The following RUNX2 variants were observed in gnomAD, a reference collection of about 807,000 sequenced individuals.
The protein encoded by RUNX2 is RUNX family transcription factor 2, also known as runt-related transcription factor 2.
In RUNX2, 10 loss-of-function variants were observed where a neutral mutation model predicts 51.7. The ratio of observed to expected loss-of-function variants is 0.19; its 90% confidence interval spans 0.12 to 0.33. The LOEUF (loss-of-function observed/expected upper bound fraction) is 0.33. RUNX2 is among the 10% of genes least tolerant of loss of function. The probability of loss-of-function intolerance (pLI) is 1.00; values close to 1 mark genes in which losing one functional copy is unlikely to be tolerated. For missense variants in RUNX2, 562 were observed against 691.3 expected, an observed-to-expected ratio of 0.81 and a Z score of 2.10; for synonymous variants, 276 against 273.6, an observed-to-expected ratio of 1.01 and a Z score of -0.09.
chr6:45,532,353 G>C (rs1223706543), intron 7 of RUNX2, among the ~76,000 whole-genome samples: 3 of 151,798 alleles, frequency 2.0e-5, no homozygotes, highest in African/African-American at 7.3e-5. Context: ...TTTTAGAGCA[G>C]GGAAACCCAC....
chr6:45,508,664 T>G (rs1563116713), intron 6 of RUNX2, among the ~76,000 whole-genome samples: 1 of 152,226 alleles, frequency 6.6e-6, no homozygotes, highest in Non-Finnish European at 1.5e-5. Context: ...TCTGACTTGT[T>G]TAGGGATCTT....
chr6:45,389,864 G>A (rs768073943), intron 2 of RUNX2, among the ~76,000 whole-genome samples: 1 of 151,912 alleles, frequency 6.6e-6, no homozygotes, highest in Non-Finnish European at 1.5e-5. Context: ...ACAAAAATTA[G>A]GTATGGTGGT....
intron 5 of RUNX2, among the ~76,000 whole-genome samples, chr6:45,461,707 G>A (rs1799480117): frequency 6.6e-6 from 1 of 152,014 alleles, no homozygotes. Flanking sequence ...TTAAGGGCAG[G>A]AAATGTGTGG....
At chr6:45,540,979 A>AAG (rs1393149265) in intron 7 of RUNX2, among the ~76,000 whole-genome samples, 1 of 152,240 alleles carries the variant, frequency 6.6e-6, no homozygotes, top group Non-Finnish European at 1.5e-5. Context: ...ATGCTCTTTA[A>AAG]AGAGAGTTGT....
chr6:45,370,171 T>C (rs1563041350), intron 2 of RUNX2, among the ~76,000 whole-genome samples: 1 of 152,188 alleles, frequency 6.6e-6, no homozygotes, highest in Non-Finnish European at 1.5e-5. Flanking sequence ...GTTATTGAGG[T>C]TGTGCAGACA....
Position 45,547,322 on chromosome 6 carries a change from C to T in RUNX2, c.*17C>T. 6.3e-7 allele frequency: 1 copy of T among 1,592,328 alleles called. No individual in the cohort carries two copies. Among genetic ancestry groups the T allele is most frequent in the Non-Finnish European group, 8.6e-7 (1 of 1,160,672 alleles). ...CCATATTGAAATTCCTCAGCAGTGG[C>T]CCAGTGGTATCTGGGGGCCACATCC... On this transcript the variant is annotated 3_prime_UTR_variant, in exon 9 of 9. Coordinates refer to ENST00000647337, the MANE Select transcript of RUNX2 (RefSeq NM_001024630.4).
At chr6:45,475,463 A>G (rs1377207349) in intron 5 of RUNX2, among the ~76,000 whole-genome samples, 1 of 152,198 alleles carries the variant, frequency 6.6e-6, no homozygotes, top group Non-Finnish European at 1.5e-5. Context: ...GTGCAGGTAT[A>G]CTGATGGAAG....
intron 2 of RUNX2, among the ~76,000 whole-genome samples, chr6:45,419,723 G>T (rs1410684136): frequency 6.6e-6 from 1 of 152,208 alleles, no homozygotes; most frequent in East Asian, 1.9e-4. Flanking sequence ...GCACGCGCAG[G>T]AGCCAGCTCA....
At chr6:45,481,828 A>C (rs1242964630) in intron 5 of RUNX2, among the ~76,000 whole-genome samples, 1 of 152,236 alleles carries the variant, frequency 6.6e-6, no homozygotes, top group Non-Finnish European at 1.5e-5. Context: ...CCATGACTTT[A>C]AAGCTAGTCT....
chr6:45,390,508 T>G (rs1444445489), intron 2 of RUNX2, among the ~76,000 whole-genome samples: 1 of 152,188 alleles, frequency 6.6e-6, no homozygotes, highest in Non-Finnish European at 1.5e-5. Context: ...TTAAAGAAGA[T>G]GAGAAACTGA....
At chr6:45,468,197 T>C (rs1799692748) in intron 5 of RUNX2, among the ~76,000 whole-genome samples, 1 of 152,264 alleles carries the variant, frequency 6.6e-6, no homozygotes, top group African/African-American at 2.4e-5. Context: ...CTCCTTTTTG[T>C]AACGAATACT....
chr6:45,476,085 T>C (rs1054576561), intron 5 of RUNX2, among the ~76,000 whole-genome samples: 1 of 152,236 alleles, frequency 6.6e-6, no homozygotes, highest in East Asian at 1.9e-4. Flanking sequence ...TGATATCATT[T>C]GTACTAGTTG....
In RUNX2 at chr6:45,328,340, C is replaced by T. The variant is rs1013252778; in HGVS notation, c.-187C>T. ...TTGTGTGAATGCTTCATTCGCCTCACAAACAACCACAGAACCACAAGTGCG... is the reference window on the plus strand; with the variant it reads ...TTGTGTGAATGCTTCATTCGCCTCATAAACAACCACAGAACCACAAGTGCG... On this transcript the variant is annotated 5_prime_UTR_variant, in exon 1 of 9. Transcript: ENST00000647337. 3 of 1,376,760 alleles carry T rather than the reference C, an allele frequency of 2.2e-6. No individual in the cohort carries two copies. The highest frequency in any genetic ancestry group is 3.8e-5 in the Admixed American group (2 of 52,588). 85.3% of individuals were successfully genotyped at this position (1,376,760 alleles called of 1,614,324 possible).
intron 7 of RUNX2, among the ~76,000 whole-genome samples, chr6:45,513,926 G>A (rs778749913): frequency 1.3e-5 from 2 of 152,194 alleles, no homozygotes; most frequent in Admixed American, 6.5e-5. Flanking sequence ...AATGTTGATG[G>A]TGTTGAGTTA....
chr6:45,432,920 T>C (rs951245210), intron 4 of RUNX2, among the ~76,000 whole-genome samples: 4 of 152,198 alleles, frequency 2.6e-5, no homozygotes, highest in African/African-American at 9.6e-5. Flanking sequence ...ACTTTAGAAC[T>C]GAGGTGAAAT....
intron 4 of RUNX2, among the ~76,000 whole-genome samples, chr6:45,433,039 T>C (rs1392805216): frequency 6.6e-6 from 1 of 152,158 alleles, no homozygotes; most frequent in African/African-American, 2.4e-5. Context: ...TGTCAAATTA[T>C]TACCATTGTA....
At chr6:45,535,300 C>T (rs1273519320) in intron 7 of RUNX2, among the ~76,000 whole-genome samples, 1 of 152,084 alleles carries the variant, frequency 6.6e-6, no homozygotes, top group Non-Finnish European at 1.5e-5. Flanking sequence ...TTCCCCAGCA[C>T]ACTTATAAGA....
At chr6:45,387,689 A>G (rs1582059360) in intron 2 of RUNX2, among the ~76,000 whole-genome samples, 2 of 152,296 alleles carry the variant, frequency 1.3e-5, no homozygotes, top group South Asian at 4.1e-4. Flanking sequence ...GGTTATAGCC[A>G]CTGGGATTTT....
intron 5 of RUNX2, among the ~76,000 whole-genome samples, chr6:45,451,790 A>G (rs1038440096): frequency 6.6e-6 from 1 of 152,154 alleles, no homozygotes; most frequent in African/African-American, 2.4e-5. Flanking sequence ...GGCTTTTCAA[A>G]TACCTTCCAT....
Sources: allele counts gnomAD v4.1 joint callset (sites outside exome capture counted in the v4.1 genomes callset), GRCh38; gene constraint gnomAD v4.1.1; transcripts MANE v1.5; gene names NCBI Gene and HGNC (gene_info 2026-07-23, HGNC 2026-07-21).